The following NPRL3 variants were observed in gnomAD, a reference collection of about 807,000 sequenced individuals.
NPRL3 encodes GATOR1 complex protein NPRL3.
A neutral mutation model predicts 57.2 loss-of-function variants in NPRL3; 23 were observed. The ratio of observed to expected loss-of-function variants is 0.40; its 90% CI spans 0.29 to 0.57. NPRL3 has a LOEUF of 0.57. NPRL3 is among the 20% of genes least tolerant of loss of function. The pLI is 0.42. For missense variants in NPRL3, 691 were observed against 767.1 expected (o/e 0.90, Z 1.17); for synonymous variants, 333 against 321.1 (o/e 1.04, Z -0.39).
rs757576353 is a variant in NPRL3 at position 85,470 on chromosome 16, G to A, written c.*1235C>T. On this transcript the variant is annotated 3_prime_UTR_variant, in exon 14 of 14. Coordinates refer to ENST00000611875, the MANE Select transcript of NPRL3 (RefSeq NM_001077350.3). Reference sequence around the variant, plus strand: ...GGTCTGGAGACCATGCGTCAGCTTCGCAGCACCCTCCGGAAAGGCACCGCC... The same window carrying A: ...GGTCTGGAGACCATGCGTCAGCTTCACAGCACCCTCCGGAAAGGCACCGCC... 3.1e-6 allele frequency: 5 copies of A among 1,613,054 alleles called. No individual in the cohort carries two copies. The highest frequency in any genetic ancestry group is 2.2e-5 in the South Asian group (2 of 91,074).
At chr16:101,780 C>T (rs945152959) in intron 7 of NPRL3, among the ~76,000 whole-genome samples, 1 of 152,228 alleles carries the variant, frequency 6.6e-6, no homozygotes, top group Non-Finnish European at 1.5e-5. Flanking sequence ...TGCTCAGGGC[C>T]CTGGCATTTG....
intron 3 of NPRL3, among the ~76,000 whole-genome samples, chr16:120,313 G>C (rs955631901): frequency 7.2e-5 from 11 of 152,168 alleles, no homozygotes; most frequent in Non-Finnish European, 1.5e-4. Context: ...TCCTAGAAGA[G>C]ACCACTGAGG....
chr16:92,573 C>T (rs776403423), intron 11 of NPRL3, 23 bp downstream of exon 11: 1 of 1,610,662 alleles, frequency 6.2e-7, no homozygotes, highest in East Asian at 2.2e-5. Flanking sequence ...CCACTCTGGG[C>T]TCCTTGAGCT....
chr16:103,627 G>A (rs879234432), intron 7 of NPRL3, among the ~76,000 whole-genome samples: 2 of 152,142 alleles, frequency 1.3e-5, no homozygotes, highest in Admixed American at 1.3e-4. Flanking sequence ...GAGTGCAGCA[G>A]GGAAGAAAAT....
chr16:103,655 C>T (rs1293811485), intron 7 of NPRL3, among the ~76,000 whole-genome samples: 3 of 152,248 alleles, frequency 2.0e-5, no homozygotes, highest in East Asian at 3.9e-4. Flanking sequence ...CTGCTCTGCA[C>T]GCTGGGGGCT....
intron 7 of NPRL3, among the ~76,000 whole-genome samples, chr16:110,258 A>C (rs1339929735): frequency 6.6e-6 from 1 of 152,188 alleles, no homozygotes; most frequent in African/African-American, 2.4e-5. Context: ...AACAAAAGCA[A>C]AACTCCATCT....
intron 2 of NPRL3, among the ~76,000 whole-genome samples, chr16:131,597 C>CAAAAAAAA (rs59373757): frequency 2.9e-5 from 2 of 69,708 alleles, no homozygotes; most frequent in Admixed American, 1.9e-4. Context: ...GACTCAGTCT[C>CAAAAAAAA]AAAAAAAAAA....
intron 5 of NPRL3, among the ~76,000 whole-genome samples, chr16:115,066 C>G (rs1017873609): frequency 6.6e-6 from 1 of 151,962 alleles, no homozygotes; most frequent in African/African-American, 2.4e-5. Context: ...CCTTGACCTT[C>G]CAGGCTCAGG....
chr16:90,682 C>G (rs756112940), intron 11 of NPRL3: 1 of 152,292 alleles, frequency 6.6e-6, no homozygotes, highest in Non-Finnish European at 1.5e-5. Flanking sequence ...TCTGTCTACT[C>G]ATCTCTGGGA....
At chr16:89,346 C>A in intron 12 of NPRL3, 1 of 287,998 alleles carries the variant, frequency 3.5e-6, no homozygotes. Flanking sequence ...AGGCTGCTGC[C>A]CTCAAGCCAC....
chr16:117,834 G>A (rs28648615), intron 4 of NPRL3, among the ~76,000 whole-genome samples: 3,631 of 152,358 alleles, frequency 0.024, 151 homozygotes, highest in African/African-American at 0.083. Flanking sequence ...CTGTGCTCCC[G>A]GTTCTGGCAT....
At position 85,757 on chromosome 16, in the gene NPRL3, G is replaced by A. The variant is rs1377338969; in HGVS notation, c.*948C>T. ...GGTCAGTGTGGTCGACAGAGTGGCT[G>A]AGCAGGACACACAGGCCTGAGCAAA... On this transcript the variant is annotated 3_prime_UTR_variant, in exon 14 of 14. Transcript: ENST00000611875. The A allele has an allele frequency of 4.0e-6, 6 of 1,510,656 alleles. No homozygotes were observed. Among genetic ancestry groups the A allele is most frequent in the East Asian group, 2.3e-5 (1 of 43,744 alleles). The allele number at this position is 1,510,656 out of a possible 1,614,324, so 93.6% of individuals were successfully genotyped here. A position where few individuals can be genotyped will look rare whatever the true frequency, so the allele number is the denominator to read the frequency against.
chr16:102,443 G>C (rs1899341027), intron 7 of NPRL3, among the ~76,000 whole-genome samples: 1 of 152,218 alleles, frequency 6.6e-6, no homozygotes, highest in Non-Finnish European at 1.5e-5. Flanking sequence ...GTCCTGCACA[G>C]GGAACGCAGC....
At chr16:101,527 C>A (rs550599097) in intron 7 of NPRL3, among the ~76,000 whole-genome samples, 1 of 152,378 alleles carries the variant, frequency 6.6e-6, no homozygotes, top group East Asian at 1.9e-4. Flanking sequence ...CATAGCAACA[C>A]CATCCCAGTT....
At chr16:135,082 G>C (rs527661568) in intron 2 of NPRL3, among the ~76,000 whole-genome samples, 2 of 152,310 alleles carry the variant, frequency 1.3e-5, no homozygotes, top group Non-Finnish European at 2.9e-5. Context: ...AAGTAAACGT[G>C]AGAATTTAGC....
intron 2 of NPRL3, among the ~76,000 whole-genome samples, chr16:135,081 T>A (rs1432615670): frequency 6.6e-6 from 1 of 152,126 alleles, no homozygotes; most frequent in African/African-American, 2.4e-5. Flanking sequence ...CAAGTAAACG[T>A]GAGAATTTAG....
chr16:87,255 G>A (rs776526813), intron 13 of NPRL3, among the ~76,000 whole-genome samples: 8 of 151,612 alleles, frequency 5.3e-5, no homozygotes, highest in African/African-American at 1.2e-4. Flanking sequence ...TTTGAGAGAC[G>A]GAGTCTCACT....
At chr16:98,739 G>A (rs542566150) in intron 8 of NPRL3, among the ~76,000 whole-genome samples, 3 of 152,246 alleles carry the variant, frequency 2.0e-5, no homozygotes, top group South Asian at 4.1e-4. Context: ...GGAGTTCGAG[G>A]CCAGCCTGGC....
chr16:92,849 G>A, intron 10 of NPRL3, 124 bp from the exon 11 acceptor site: 1 of 1,295,316 alleles, frequency 7.7e-7, no homozygotes, highest in Non-Finnish European at 1.1e-6. Context: ...GATGAGGGCA[G>A]AACGGTATGA....
Sources: gnomAD v4.1 joint callset for allele counts (sites outside exome capture counted in the v4.1 genomes callset) on GRCh38, gnomAD v4.1.1 for gene constraint, MANE v1.5 for transcripts, NCBI Gene and HGNC (gene_info 2026-07-23, HGNC 2026-07-21) for gene names.